Variants in CEP85L observed in about 807,000 individuals in gnomAD.
The protein encoded by CEP85L is centrosomal protein 85L.
A neutral mutation model predicts 100.3 loss-of-function variants in CEP85L; 60 were observed. The ratio of observed to expected loss-of-function variants is 0.60; its 90% CI spans 0.49 to 0.74. The LOEUF (loss-of-function observed/expected upper bound fraction) is 0.74, where lower values mean the gene tolerates loss of function less well. CEP85L is among the 30% of genes least tolerant of loss of function. The probability of loss-of-function intolerance (pLI) is 0.00; values close to 1 mark genes in which losing one functional copy is unlikely to be tolerated. For missense variants in CEP85L, 973 were observed against 936.2 expected, an observed-to-expected ratio of 1.04 and a Z score of -0.51; for synonymous variants, 319 against 322.7, an observed-to-expected ratio of 0.99 and a Z score of 0.12.
chr6:118,568,825 A>G (rs997383599), intron 2 of CEP85L, among the ~76,000 whole-genome samples: 1 of 152,204 alleles, frequency 6.6e-6, no homozygotes, highest in African/African-American at 2.4e-5. Context: ...GACGTCCCCA[A>G]AAGTTTATGG....
At chr6:118,612,587 G>A (rs1257399844) in intron 2 of CEP85L, among the ~76,000 whole-genome samples, 1 of 146,754 alleles carries the variant, frequency 6.8e-6, no homozygotes, top group Non-Finnish European at 1.5e-5. Context: ...GTGTGAACCA[G>A]GAGGCGGAGC....
In CEP85L at chr6:118,581,889, C is replaced by T. The variant is rs78336830; in HGVS notation, c.233-15573G>A. ...GGGGACAGATAAACCTGGCCCGCTG[C>T]GGGGAGCCTTGATTTTAATATTATC... On this transcript the variant is annotated intron_variant, in intron 2 of 12. Transcript: ENST00000368491. Among the ~76,000 whole-genome samples, 112 of 152,188 alleles carry T rather than the reference C, an allele frequency of 7.4e-4. 2 individuals are homozygous for T. In the East Asian group the frequency reaches 0.02, roughly 28 times the overall value.
At chr6:118,668,504 G>A (rs569218064) in intron 1 of CEP85L, among the ~76,000 whole-genome samples, 7 of 152,258 alleles carry the variant, frequency 4.6e-5, no homozygotes, top group African/African-American at 9.6e-5. Context: ...CTTGCTACTC[G>A]GAAGGCTGAG....
chr6:118,487,295 G>A (rs1319135850), intron 6 of CEP85L, among the ~76,000 whole-genome samples: 1 of 152,158 alleles, frequency 6.6e-6, no homozygotes, highest in South Asian at 2.1e-4. Flanking sequence ...GAGGAAGATT[G>A]GCAGAACCTA....
intron 1 of CEP85L, among the ~76,000 whole-genome samples, chr6:118,709,556 T>TGTGTGTGTGTGTGTGTGTGAGAGA (rs751698371): frequency 7.0e-5 from 10 of 142,224 alleles, no homozygotes; most frequent in African/African-American, 2.0e-4. Context: ...TGTGTGTGTG[T>TGTGTGTGTGTGTGTGTGTGAGAGA]GAGAGAGAGA....
intron 2 of CEP85L, among the ~76,000 whole-genome samples, chr6:118,583,626 G>A (rs184242508): frequency 1.9e-4 from 29 of 152,164 alleles, no homozygotes; most frequent in African/African-American, 6.5e-4. Context: ...TAACCACTAC[G>A]CCAGTCCAGA....
chr6:118,491,095 T>TCTC (rs1416799956), intron 6 of CEP85L, among the ~76,000 whole-genome samples: 1 of 151,402 alleles, frequency 6.6e-6, no homozygotes, highest in Non-Finnish European at 1.5e-5. Flanking sequence ...GTTTAAGGAG[T>TCTC]CTCCACGCTG....
At chr6:118,503,997 C>T (rs1434748687) in intron 5 of CEP85L, among the ~76,000 whole-genome samples, 1 of 151,994 alleles carries the variant, frequency 6.6e-6, no homozygotes, top group Non-Finnish European at 1.5e-5. Flanking sequence ...AATGAGAAAA[C>T]AAGCCACAGA....
chr6:118,663,203 T>A (rs925048552), intron 1 of CEP85L, among the ~76,000 whole-genome samples: 4 of 152,214 alleles, frequency 2.6e-5, no homozygotes, highest in African/African-American at 4.8e-5. Context: ...CTTGGCAATA[T>A]GTGCCATAAA....
intron 3 of CEP85L, among the ~76,000 whole-genome samples, chr6:118,547,855 C>T (rs1778297181): frequency 6.6e-6 from 1 of 152,042 alleles, no homozygotes; most frequent in African/African-American, 2.4e-5. Context: ...AAATATTTCA[C>T]TTTCACTAAA....
intron 1 of CEP85L, among the ~76,000 whole-genome samples, chr6:118,708,802 C>T (rs190238603): frequency 6.6e-6 from 1 of 152,244 alleles, no homozygotes; most frequent in East Asian, 1.9e-4. Flanking sequence ...TACCATTTTT[C>T]AGGCGAAAGA....
intron 2 of CEP85L, among the ~76,000 whole-genome samples, chr6:118,571,689 A>G (rs1164843328): frequency 6.6e-6 from 1 of 152,196 alleles, no homozygotes; most frequent in Non-Finnish European, 1.5e-5. Context: ...TAAAGAATAA[A>G]TCATCAGTCT....
At chr6:118,674,263 C>T (rs1350461588) in intron 1 of CEP85L, among the ~76,000 whole-genome samples, 2 of 152,104 alleles carry the variant, frequency 1.3e-5, no homozygotes, top group African/African-American at 2.4e-5. Flanking sequence ...TGGTGGCTCA[C>T]GCCTGTAATC....
upstream of CEP85L, chr6:118,652,840 A>T (rs923437515): frequency 1.2e-5 from 11 of 889,320 alleles, no homozygotes; most frequent in Non-Finnish European, 1.9e-5. Flanking sequence ...AACATGAAAG[A>T]CGAATGTGAT....
chr6:118,535,861 A>G (rs894465883), intron 3 of CEP85L, among the ~76,000 whole-genome samples: 2 of 152,144 alleles, frequency 1.3e-5, no homozygotes, highest in African/African-American at 4.8e-5. Flanking sequence ...CCTAAATTAT[A>G]AATTAAATCT....
intron 2 of CEP85L, among the ~76,000 whole-genome samples, chr6:118,589,962 T>C (rs186286298): frequency 6.6e-5 from 10 of 152,296 alleles, no homozygotes; most frequent in South Asian, 2.1e-4. Context: ...ATTCTCTGCA[T>C]AGAACAGCAC....
At chr6:118,658,615 A>G (rs897823630) in intron 1 of CEP85L, among the ~76,000 whole-genome samples, 1 of 152,190 alleles carries the variant, frequency 6.6e-6, no homozygotes, top group Non-Finnish European at 1.5e-5. Context: ...TTAAAAATAA[A>G]TAAACTTTTA....
Position 118,502,081 on chromosome 6 carries a change from G to A in CEP85L, c.1257+9217C>T, listed in dbSNP as rs2114668973. On this transcript the variant is annotated intron_variant, in intron 5 of 12. Coordinates refer to ENST00000368491, the MANE Select transcript of CEP85L (RefSeq NM_001042475.3). ...TCCCCATCCTGTGGATCCCATTGTA[G>A]GAGAGCCAGAATACTGCCCTATGAG... 3.1e-5 allele frequency: 28 copies of A among 906,936 alleles called. No homozygotes were observed. In the South Asian group the frequency reaches 4.2e-4, roughly 13 times the overall value. The allele number at this position is 906,936 out of a possible 1,614,324, so 56.2% of individuals were successfully genotyped here.
chr6:118,604,593 T>G (rs904616590), intron 2 of CEP85L, among the ~76,000 whole-genome samples: 1 of 152,260 alleles, frequency 6.6e-6, no homozygotes, highest in Non-Finnish European at 1.5e-5. Flanking sequence ...AACTTTTACG[T>G]TTGGTGAAAA....
Sources: gnomAD v4.1 joint callset for allele counts (sites outside exome capture counted in the v4.1 genomes callset) on GRCh38, gnomAD v4.1.1 for gene constraint, MANE v1.5 for transcripts, NCBI Gene and HGNC (gene_info 2026-07-23, HGNC 2026-07-21) for gene names.